CCDC66: variants seen among roughly 807,000 people sequenced by gnomAD.
CCDC66 encodes coiled-coil domain-containing protein 66.
A neutral mutation model predicts 128.3 loss-of-function variants in CCDC66; 133 were observed. That is an observed-to-expected ratio of 1.04 (90% CI 0.90 to 1.20). The LOEUF (loss-of-function observed/expected upper bound fraction) is 1.20, where lower values mean the gene tolerates loss of function less well. Ranked by LOEUF, CCDC66 falls within the 50% of genes most tolerant of loss-of-function variation. The pLI, the probability that CCDC66 is intolerant of heterozygous loss-of-function variation, is 0.00. For missense variants in CCDC66, 1,126 were observed against 1,075.5 expected, an observed-to-expected ratio of 1.05 and a Z score of -0.66; for synonymous variants, 387 against 357.0, an observed-to-expected ratio of 1.08 and a Z score of -0.95.
chr3:56,598,893 T>C (rs1273498550), intron 10 of CCDC66, among the ~76,000 whole-genome samples: 3 of 152,074 alleles, frequency 2.0e-5, no homozygotes, highest in Admixed American at 1.3e-4. Flanking sequence ...TTTTTTGTTG[T>C]GTCCTTCTCT....
intron 10 of CCDC66, among the ~76,000 whole-genome samples, chr3:56,601,688 C>A (rs1033840348): frequency 6.6e-6 from 1 of 152,016 alleles, no homozygotes; most frequent in Non-Finnish European, 1.5e-5. Flanking sequence ...AGGTCCTTCA[C>A]GTCCCTTGTA....
At chr3:56,588,660 G>A (rs913079211) in intron 7 of CCDC66, among the ~76,000 whole-genome samples, 2 of 152,098 alleles carry the variant, frequency 1.3e-5, no homozygotes, top group Non-Finnish European at 2.9e-5. Flanking sequence ...CAACACTGGG[G>A]ATTACAATTC....
intron 10 of CCDC66, among the ~76,000 whole-genome samples, chr3:56,601,007 C>T (rs926603868): frequency 1.4e-4 from 22 of 152,028 alleles, no homozygotes; most frequent in African/African-American, 5.1e-4. Flanking sequence ...TCAATTTCAG[C>T]TTTTGTTGCC....
At chr3:56,574,723 G>C (rs986951655) in intron 7 of CCDC66, among the ~76,000 whole-genome samples, 4 of 151,760 alleles carry the variant, frequency 2.6e-5, no homozygotes, top group Non-Finnish European at 5.9e-5. Flanking sequence ...GTCTCACTTT[G>C]TTACCCAGGC....
chr3:56,587,759 C>T (rs2106839426), intron 7 of CCDC66, among the ~76,000 whole-genome samples: 1 of 152,272 alleles, frequency 6.6e-6, no homozygotes, highest in Non-Finnish European at 1.5e-5. Flanking sequence ...ATCCCAGCTA[C>T]TCAGGAGGCT....
Position 56,613,661 on chromosome 3 carries a change from G to C in CCDC66, c.1477G>C (p.Glu493Gln), listed in dbSNP as rs2075138865. ...QLEEEQRKKE[E>Q]QEEELRLAQE... ...GGAGGAAGAGCAAAGAAAGAAGGAA[G>C]AACAAGAAGAGGAGCTTCGCTTAGC... The change falls in exon 11 of 18, where the codon GAA becomes CAA. Residue 493 changes from glutamate to glutamine, a missense_variant. Glu to Gln is a conservative substitution (Grantham distance 29, BLOSUM62 2). Coordinates refer to ENST00000394672, the MANE Select transcript of CCDC66 (RefSeq NM_001141947.3). The C allele has an allele frequency of 6.2e-7, 1 of 1,614,036 alleles. No homozygotes were observed. Among genetic ancestry groups the C allele is most frequent in the African/African-American group, 1.3e-5 (1 of 75,054 alleles).
chr3:56,595,766 T>C (rs1298723910), intron 10 of CCDC66, among the ~76,000 whole-genome samples: 1 of 152,254 alleles, frequency 6.6e-6, no homozygotes, highest in Non-Finnish European at 1.5e-5. Context: ...CTGGATCATA[T>C]GGTAGTTCCA....
intron 10 of CCDC66, among the ~76,000 whole-genome samples, chr3:56,597,573 G>A (rs1391101334): frequency 6.6e-6 from 1 of 151,772 alleles, no homozygotes; most frequent in Non-Finnish European, 1.5e-5. Flanking sequence ...AGTTTTTTAT[G>A]TAGAAATGTG....
At chr3:56,618,344 G>T (rs2075801217) in intron 15 of CCDC66, 132 bp downstream of exon 15, 1 of 813,230 alleles carries the variant, frequency 1.2e-6, no homozygotes, top group African/African-American at 1.7e-5. Flanking sequence ...TTCCAGGTGA[G>T]GGTTAGAGGT....
chr3:56,597,792 T>TTTTTTTG (rs2072348913), intron 10 of CCDC66, among the ~76,000 whole-genome samples: 1 of 143,256 alleles, frequency 7.0e-6, no homozygotes, highest in African/African-American at 2.6e-5. Flanking sequence ...TTTTTTTTTT[T>TTTTTTTG]GAGACAGAGC....
At chr3:56,561,068 C>T (rs1461632758) in intron 3 of CCDC66, 4 of 422,532 alleles carry the variant, frequency 9.5e-6, no homozygotes, top group Non-Finnish European at 1.9e-5. Context: ...TTCTCTTTCT[C>T]TATCATATAG....
chr3:56,582,569 T>C (rs1057399646), intron 7 of CCDC66, among the ~76,000 whole-genome samples: 1 of 137,310 alleles, frequency 7.3e-6, no homozygotes, highest in Non-Finnish European at 1.6e-5. Context: ...AGAATTGTTC[T>C]TTATTGGTAT....
At chr3:56,561,289 A>G (rs116527725) in intron 3 of CCDC66, 45 of 456,718 alleles carry the variant, frequency 9.9e-5, no homozygotes, top group Admixed American at 2.8e-4. Context: ...ATTTGTGAAG[A>G]CATTTTATTG....
At chr3:56,596,835 G>A (rs955616624) in intron 10 of CCDC66, among the ~76,000 whole-genome samples, 2 of 144,578 alleles carry the variant, frequency 1.4e-5, no homozygotes, top group Non-Finnish European at 1.5e-5. Context: ...GCTCACTGCC[G>A]CCTCCACCTC....
rs527894674 is a variant in CCDC66, at chr3:56,595,774, C to T, written c.1404+1746C>T. 3.3e-5 allele frequency among the ~76,000 whole-genome samples: 5 copies of T among 152,230 alleles called. No individual in the cohort carries two copies. In the South Asian group the frequency reaches 1.0e-3, roughly 32 times the overall value. ...GGGAATGCTGGATCATATGGTAGTT[C>T]CATTTTTAGTTTTTTGAGACGTCTC... is the stretch of plus-strand genomic sequence containing the variant. On this transcript the variant is annotated intron_variant, in intron 10 of 17. Transcript: ENST00000394672.
At chr3:56,617,783 A>AT (rs2075705723) in intron 14 of CCDC66, 178 bp downstream of exon 14, 6 of 666,650 alleles carry the variant, frequency 9.0e-6, no homozygotes, top group African/African-American at 1.8e-5. Flanking sequence ...TTATACGAAC[A>AT]TAGTCAACTC....
chr3:56,581,547 T>C (rs1446797740), intron 7 of CCDC66, among the ~76,000 whole-genome samples: 1 of 151,906 alleles, frequency 6.6e-6, no homozygotes, highest in Non-Finnish European at 1.5e-5. Flanking sequence ...TGTGTGGTTT[T>C]ATCTACCCTT....
At chr3:56,587,900 CA>C (rs2070104600) in intron 7 of CCDC66, among the ~76,000 whole-genome samples, 1 of 152,094 alleles carries the variant, frequency 6.6e-6, no homozygotes, top group African/African-American at 2.4e-5. Context: ...AAAAAAGAAC[CA>C]AAAGTAGAAC....
intron 6 of CCDC66, among the ~76,000 whole-genome samples, chr3:56,567,970 G>T (rs979121774): frequency 6.6e-6 from 1 of 152,090 alleles, no homozygotes; most frequent in Non-Finnish European, 1.5e-5. Flanking sequence ...GATTACAGGC[G>T]TGAGCCACCA....
Sources: allele counts gnomAD v4.1 joint callset (sites outside exome capture counted in the v4.1 genomes callset), GRCh38; gene constraint gnomAD v4.1.1; transcripts MANE v1.5; gene names NCBI Gene and HGNC (gene_info 2026-07-23, HGNC 2026-07-21).